The following ELK3 variants were observed in gnomAD, a reference collection of about 807,000 sequenced individuals.
ELK3 encodes the protein ETS transcription factor ELK3.
ELK3 carries 10 observed loss-of-function variants against 28.9 expected under a neutral mutation model. That is an observed-to-expected ratio of 0.35 (90% confidence interval 0.21 to 0.59). ELK3 has a LOEUF of 0.59. ELK3 is among the 20% of genes least tolerant of loss of function. The pLI is 0.82. For missense variants in ELK3, 463 were observed against 517.3 expected (o/e 0.90, Z 1.02); for synonymous variants, 272 against 243.5 (o/e 1.12, Z -1.09).
chr12:96,248,828 C>G (rs1161843657), intron 3 of ELK3, among the ~76,000 whole-genome samples: 1 of 152,222 alleles, frequency 6.6e-6, no homozygotes, highest in Non-Finnish European at 1.5e-5. Flanking sequence ...TACAGCAGCC[C>G]TGTCACGTGG....
rs372868841 is a variant in ELK3, at chr12:96,247,020, C to T, written c.288C>T (p.His96=). The T allele has an allele frequency of 3.7e-5, 59 of 1,614,086 alleles. No individual in the cohort carries two copies. Among genetic ancestry groups the T allele is most frequent in the African/African-American group, 2.4e-4 (18 of 74,942 alleles). The change falls in exon 3 of 5, where the codon CAC becomes CAT. Residue 96 remains histidine (H), a synonymous_variant. Transcript: ENST00000228741. This position sits in a 1 kb window ranked among gnomAD's most constrained non-coding sequence, Gnocchi z 5.5. The stretch of plus-strand genomic sequence containing the variant: ...CGGAGATCCTGAAGATGGATCCTCA[C>T]GCGGTGGAGATCAGCCGGGAGAGCC... ...SFPEILKMDP[H]AVEISRESLL...
At chr12:96,197,283 TTGTTA>T (rs1951477397) in intron 1 of ELK3, among the ~76,000 whole-genome samples, 1 of 152,200 alleles carries the variant, frequency 6.6e-6, no homozygotes, top group African/African-American at 2.4e-5. Context: ...ATGTTTTTGG[TTGTTA>T]TAACTAAGGG....
chr12:96,261,458 T>TA (rs1951992059), intron 4 of ELK3, among the ~76,000 whole-genome samples: 1 of 152,060 alleles, frequency 6.6e-6, no homozygotes. Flanking sequence ...GGTGGAGAGA[T>TA]AAAAACACCT....
At chr12:96,211,487 T>TGTGTG (rs1555193134) in intron 1 of ELK3, among the ~76,000 whole-genome samples, 2,500 of 54,470 alleles carry the variant, frequency 0.046, 48 homozygotes, top group Non-Finnish European at 0.057. Context: ...CATTGTGTGT[T>TGTGTG]TGTGTGTGTG....
chr12:96,211,438 T>C (rs185177766), intron 1 of ELK3, among the ~76,000 whole-genome samples: 11 of 150,622 alleles, frequency 7.3e-5, no homozygotes, highest in African/African-American at 2.7e-4. Flanking sequence ...GAAAGGTCCA[T>C]GGACCAAATA....
At chr12:96,216,031 C>T (rs1024863481) in intron 1 of ELK3, among the ~76,000 whole-genome samples, 1 of 152,148 alleles carries the variant, frequency 6.6e-6, no homozygotes, top group African/African-American at 2.4e-5. Flanking sequence ...AATGTCCCTC[C>T]CCTCTGTGCC....
intron 2 of ELK3, among the ~76,000 whole-genome samples, chr12:96,230,253 G>C (rs535884691): frequency 2.4e-4 from 37 of 152,306 alleles, no homozygotes; most frequent in African/African-American, 8.9e-4. Flanking sequence ...TGATAGGCTA[G>C]ACCCTCCAGG....
chr12:96,266,104 G>T (rs2137047423), intron 4 of ELK3, among the ~76,000 whole-genome samples: 1 of 152,242 alleles, frequency 6.6e-6, no homozygotes, highest in South Asian at 2.1e-4. Flanking sequence ...CAGCTCCTAG[G>T]TATCAAATGA....
chr12:96,229,147 T>C (rs1278807825), intron 2 of ELK3, among the ~76,000 whole-genome samples: 2 of 152,230 alleles, frequency 1.3e-5, no homozygotes, highest in African/African-American at 4.8e-5. Context: ...AACACTGATG[T>C]GTCCACTACT....
intron 2 of ELK3, among the ~76,000 whole-genome samples, chr12:96,238,141 G>A (rs2137026835): frequency 6.6e-6 from 1 of 152,306 alleles, no homozygotes; most frequent in East Asian, 1.9e-4. Context: ...AAATTTTCCT[G>A]GAAGGCAGAA....
In ELK3 at chr12:96,243,493, C is replaced by T. The variant is rs374032154; in HGVS notation, c.208-3447C>T. 7.2e-5 allele frequency among the ~76,000 whole-genome samples: 11 copies of T among 152,098 alleles called. No homozygotes were observed. The South Asian group carries it at 1.2e-3, about 17-fold the overall frequency. The stretch of plus-strand genomic sequence containing the variant: ...ATCCCAGCACTTTGGGAGGCTGAGG[C>T]GGGCAGATCACCTGAGGTCAGGAGT... On this transcript the variant is annotated intron_variant, in intron 2 of 4. Coordinates refer to ENST00000228741, the MANE Select transcript of ELK3 (RefSeq NM_005230.4).
chr12:96,247,738 A>G lies in ELK3; in HGVS notation c.1002+4A>G. 6.5e-7 allele frequency: 1 copy of G among 1,540,542 alleles called. No homozygotes were observed. The highest frequency in any genetic ancestry group is 1.2e-5 in the South Asian group (1 of 82,152). ...CCCAGCCTTCTTCACCGCACAGGTA[A>G]GAGTCATTCCTGTCATCTAAGCCAC... On this transcript the variant is annotated splice_donor_region_variant and intron_variant, in intron 3 of 4. Transcript: ENST00000228741. This position sits in a 1 kb window ranked among gnomAD's most constrained non-coding sequence, Gnocchi z 5.5.
chr12:96,250,639 G>T (rs1951897761), intron 3 of ELK3, among the ~76,000 whole-genome samples: 1 of 152,166 alleles, frequency 6.6e-6, no homozygotes, highest in African/African-American at 2.4e-5. Context: ...TGGGGTTCAG[G>T]GTGTTCCACA....
chr12:96,244,737 G>A (rs1385733135), intron 2 of ELK3, among the ~76,000 whole-genome samples: 1 of 152,134 alleles, frequency 6.6e-6, no homozygotes, highest in Non-Finnish European at 1.5e-5. Flanking sequence ...CACCAGGCCA[G>A]CACACTTTCT....
rs1368481518 is a variant in ELK3, at chr12:96,247,416, A to G, written c.684A>G (p.Pro228=). Residue 228 remains proline, a synonymous_variant, in exon 3 of 5, where the codon CCA becomes CCG. Coordinates refer to ENST00000228741, the MANE Select transcript of ELK3 (RefSeq NM_005230.4). This position sits in a 1 kb window ranked among gnomAD's most constrained non-coding sequence, Gnocchi z 5.5. ...VSAKISSLML[P]NAASISSASP... ...CCAAGATCTCCTCTTTAATGTTGCC[A>G]AACGCTGCCAGTATTTCATCCGCCT... The G allele has an allele frequency of 4.3e-6, 7 of 1,614,068 alleles. No individual in the cohort carries two copies. Among genetic ancestry groups the G allele is most frequent in the Non-Finnish European group, 5.9e-6 (7 of 1,180,022 alleles).
intron 4 of ELK3, among the ~76,000 whole-genome samples, chr12:96,260,586 C>T (rs1464451302): frequency 6.6e-6 from 1 of 152,212 alleles, no homozygotes; most frequent in Non-Finnish European, 1.5e-5. Context: ...CATTCACACA[C>T]CAGAATCTTG....
At chr12:96,236,892 G>C (rs1262978007) in intron 2 of ELK3, among the ~76,000 whole-genome samples, 1 of 152,196 alleles carries the variant, frequency 6.6e-6, no homozygotes, top group Non-Finnish European at 1.5e-5. Flanking sequence ...CGCTCCCTCT[G>C]AAGGCCCTAG....
chr12:96,204,015 A>C (rs1409885909), intron 1 of ELK3, among the ~76,000 whole-genome samples: 1 of 152,216 alleles, frequency 6.6e-6, no homozygotes, highest in Non-Finnish European at 1.5e-5. Flanking sequence ...GACTTGCAAG[A>C]AAAGTGGATA....
chr12:96,203,023 C>T (rs961275103), intron 1 of ELK3, among the ~76,000 whole-genome samples: 1 of 152,194 alleles, frequency 6.6e-6, no homozygotes, highest in East Asian at 1.9e-4. Context: ...GCTGGGACTA[C>T]AGGCATGCGC....
Sources: gnomAD v4.1 joint callset for allele counts (sites outside exome capture counted in the v4.1 genomes callset) on GRCh38, gnomAD v4.1.1 for gene constraint, Gnocchi (gnomAD v3.1) non-coding constraint, MANE v1.5 for transcripts, NCBI Gene and HGNC (gene_info 2026-07-23, HGNC 2026-07-21) for gene names.